SAE1: variants seen among roughly 807,000 people sequenced by gnomAD.
The protein encoded by SAE1 is SUMO1 activating enzyme subunit 1, also known as SUMO-activating enzyme subunit 1.
In SAE1, 11 loss-of-function variants were observed where a neutral mutation model predicts 40.6. That is an observed-to-expected ratio of 0.27 (90% CI 0.17 to 0.45). SAE1 has a LOEUF of 0.45. Among genes scored for constraint, SAE1 ranks in the 20% least tolerant of loss-of-function variants. The probability of loss-of-function intolerance (pLI) is 1.00; values close to 1 mark genes in which losing one functional copy is unlikely to be tolerated. For synonymous variants in SAE1, 155 were observed against 154.3 expected (o/e 1.00, Z -0.03); for missense variants, 373 against 427.3 (o/e 0.87, Z 1.12).
intron 1 of SAE1, among the ~76,000 whole-genome samples, chr19:47,132,307 G>A (rs560083974): frequency 6.6e-6 from 1 of 150,528 alleles, no homozygotes; most frequent in East Asian, 1.9e-4. Context: ...GGAGTGCAGT[G>A]GTGGGATCAC....
At chr19:47,147,199 GTTTTTTTTT>G (rs397859917) in intron 2 of SAE1, among the ~76,000 whole-genome samples, 8 of 60,974 alleles carry the variant, frequency 1.3e-4, no homozygotes, top group Admixed American at 2.5e-4. Flanking sequence ...ATGTGTATGG[GTTTTTTTTT>G]TTTTTTTTTT....
At chr19:47,152,764 A>G (rs2058295317) in intron 3 of SAE1, 134 bp from the exon 4 acceptor site, 1 of 762,776 alleles carries the variant, frequency 1.3e-6, no homozygotes, top group African/African-American at 1.8e-5. Context: ...TAGGGCCCAA[A>G]GAACCTGTTG....
chr19:47,210,004 G>C lies in SAE1; in HGVS notation c.*753G>C, dbSNP rs578193624. 1 of 152,226 alleles carries C rather than the reference G, an allele frequency of 6.6e-6. No homozygotes were observed. Among genetic ancestry groups the C allele is most frequent in the Non-Finnish European group, 1.5e-5 (1 of 68,050 alleles). The allele number at this position is 152,226 out of a possible 1,614,324, so 9.4% of individuals were successfully genotyped here. On this transcript the variant is annotated 3_prime_UTR_variant, in exon 9 of 9. Transcript: ENST00000270225. ...GGTTCCTGGGGCTTCAGGGCTAGGA[G>C]GGAGGAGCCTGCCCTTTTAACAGAA...
At chr19:47,201,561 G>A (rs1187766149) in intron 7 of SAE1, among the ~76,000 whole-genome samples, 6 of 151,420 alleles carry the variant, frequency 4.0e-5, no homozygotes, top group Admixed American at 6.6e-5. Flanking sequence ...TAGTAGAGAC[G>A]GGGTTTCACC....
At chr19:47,137,801 T>C (rs1202086579) in intron 1 of SAE1, among the ~76,000 whole-genome samples, 1 of 150,452 alleles carries the variant, frequency 6.6e-6, no homozygotes, top group Non-Finnish European at 1.5e-5. Context: ...CAATCTTGGC[T>C]CACTGCAACC....
intron 1 of SAE1, 62 bp downstream of exon 1, chr19:47,131,090 TGCGGCCCGGAAGGA>T: frequency 2.1e-6 from 3 of 1,461,518 alleles, no homozygotes; most frequent in Non-Finnish European, 2.7e-6. Context: ...CTGAGGCGTT[TGCGGCCCGGAAGGA>T]GCGGGAAGGT....
rs535758791 is a variant in SAE1, at chr19:47,208,291, A to C, written c.949-868A>C. 5.9e-5 allele frequency among the ~76,000 whole-genome samples: 9 copies of C among 151,508 alleles called. No homozygotes were observed. The South Asian group carries it at 1.9e-3, about 32-fold the overall frequency. On this transcript the variant is annotated intron_variant, in intron 8 of 8. Transcript: ENST00000270225. ...GTTTTTTGTTTTGAGACAGGGTCTC[A>C]CTCTGTTCCCCAGGCTGGAGTATAG... is the stretch of plus-strand genomic sequence containing the variant.
intron 5 of SAE1, among the ~76,000 whole-genome samples, chr19:47,167,437 T>C (rs1184614611): frequency 6.6e-6 from 1 of 151,124 alleles, no homozygotes; most frequent in African/African-American, 2.4e-5. Context: ...AGACGGAGTT[T>C]CGCCATGTTA....
chr19:47,167,025 C>T (rs577463993), intron 5 of SAE1, among the ~76,000 whole-genome samples: 2 of 151,836 alleles, frequency 1.3e-5, no homozygotes. Flanking sequence ...GACCTTGGCT[C>T]GCTGCAACCT....
intron 1 of SAE1, among the ~76,000 whole-genome samples, chr19:47,136,548 T>C (rs1174631941): frequency 2.1e-5 from 3 of 141,152 alleles, no homozygotes; most frequent in Non-Finnish European, 4.6e-5. Flanking sequence ...CAGACTGGAG[T>C]ATGGTGGCGT....
rs576047534 is a variant in SAE1, at chr19:47,194,932, A to G, written c.734-2301A>G. 4.7e-5 allele frequency among the ~76,000 whole-genome samples: 7 copies of G among 150,356 alleles called. No individual in the cohort carries two copies. The South Asian group carries it at 1.1e-3, about 23-fold the overall frequency. On this transcript the variant is annotated intron_variant, in intron 6 of 8. Coordinates refer to ENST00000270225, the MANE Select transcript of SAE1 (RefSeq NM_005500.3). ...TAATTTATGTATTTTTTTAGTAGAG[A>G]CGGGGTTTCACCATGTTGGCCAGGC...
intron 5 of SAE1, among the ~76,000 whole-genome samples, chr19:47,167,260 C>T (rs1395682846): frequency 6.7e-6 from 1 of 149,454 alleles, no homozygotes; most frequent in Non-Finnish European, 1.5e-5. Context: ...GGCCTGCGCC[C>T]AGATAATTTT....
At chr19:47,193,484 A>G (rs1025543927) in intron 6 of SAE1, among the ~76,000 whole-genome samples, 7 of 151,818 alleles carry the variant, frequency 4.6e-5, no homozygotes, top group East Asian at 1.9e-4. Flanking sequence ...AGAAGAGTCA[A>G]TGGGTGTTCT....
chr19:47,154,768 T>A (rs896828225), intron 4 of SAE1, among the ~76,000 whole-genome samples: 2 of 152,158 alleles, frequency 1.3e-5, no homozygotes, highest in African/African-American at 4.8e-5. Flanking sequence ...AGTGCTGGGA[T>A]TACAGGCGTG....
chr19:47,167,051 A>C (rs2058398053), intron 5 of SAE1, among the ~76,000 whole-genome samples: 1 of 151,944 alleles, frequency 6.6e-6, no homozygotes, highest in South Asian at 2.1e-4. Flanking sequence ...TCCTGGGTCC[A>C]AGTGATTCTG....
At chr19:47,191,582 G>T (rs2058578092) in intron 6 of SAE1, among the ~76,000 whole-genome samples, 1 of 152,192 alleles carries the variant, frequency 6.6e-6, no homozygotes, top group African/African-American at 2.4e-5. Flanking sequence ...GAGGCTGCCT[G>T]CTTTCCAGGT....
intron 3 of SAE1, among the ~76,000 whole-genome samples, chr19:47,151,700 T>A (rs2123210347): frequency 6.6e-6 from 1 of 152,366 alleles, no homozygotes; most frequent in South Asian, 2.1e-4. Context: ...GTCCCTTCTA[T>A]TTTTTAACTT....
At position 47,130,880 on chromosome 19, in the gene SAE1, C is replaced by G; in HGVS notation, c.-51C>G. 1 of 1,545,262 alleles carries G rather than the reference C, an allele frequency of 6.5e-7. No individual in the cohort carries two copies. Among genetic ancestry groups the G allele is most frequent in the South Asian group, 1.2e-5 (1 of 83,808 alleles). On this transcript the variant is annotated 5_prime_UTR_variant, in exon 1 of 9. Coordinates refer to ENST00000270225, the MANE Select transcript of SAE1 (RefSeq NM_005500.3). ...GGCGGTAGGTGGCGCGCGGGTCCGG[C>G]GGGCGGTTGGCTTGAGCGGGACCGG...
Position 47,153,020 on chromosome 19 carries a change from A to C in SAE1, c.507A>C (p.Leu169=), listed in dbSNP as rs1351067939. The C allele has an allele frequency of 6.2e-7, 1 of 1,613,406 alleles. No homozygotes were observed. Among genetic ancestry groups the C allele is most frequent in the East Asian group, 2.2e-5 (1 of 44,846 alleles). The change falls in exon 4 of 9, where the codon CTA becomes CTC. Residue 169 remains leucine, a synonymous_variant. Transcript: ENST00000270225. ...ACCATGGATACACATTTGCCAATCTAGGAGAGCATGAGTTTGTAGAGTAAG... is the reference window on the plus strand; with the variant it reads ...ACCATGGATACACATTTGCCAATCTCGGAGAGCATGAGTTTGTAGAGTAAG... ...FGYHGYTFAN[L]GEHEFVEEKT... is the part of the protein sequence containing the mutation.
Sources: gnomAD v4.1 joint callset for allele counts (sites outside exome capture counted in the v4.1 genomes callset) on GRCh38, gnomAD v4.1.1 for gene constraint, MANE v1.5 for transcripts, NCBI Gene and HGNC (gene_info 2026-07-23, HGNC 2026-07-21) for gene names.